Variants in PTPRN2 observed in about 807,000 individuals in gnomAD.
The protein encoded by PTPRN2 is receptor-type tyrosine-protein phosphatase N2.
PTPRN2 carries 74 observed loss-of-function variants against 118.8 expected under a neutral mutation model. The ratio of observed to expected loss-of-function variants is 0.62; its 90% confidence interval spans 0.52 to 0.76. The LOEUF (loss-of-function observed/expected upper bound fraction) is 0.76, where lower values mean the gene tolerates loss of function less well. PTPRN2 is among the 30% of genes least tolerant of loss of function. The probability of loss-of-function intolerance (pLI) is 0.00; values close to 1 mark genes in which losing one functional copy is unlikely to be tolerated. For missense variants in PTPRN2, 1,481 were observed against 1,394.4 expected, an observed-to-expected ratio of 1.06 and a Z score of -0.99; for synonymous variants, 641 against 608.0, an observed-to-expected ratio of 1.05 and a Z score of -0.80.
At chr7:157,734,648 T>C (rs979958398) in intron 12 of PTPRN2, among the ~76,000 whole-genome samples, 4 of 152,254 alleles carry the variant, frequency 2.6e-5, no homozygotes, top group Admixed American at 6.5e-5. Context: ...TCTCTATTCT[T>C]AACTCTGCTC....
intron 2 of PTPRN2, among the ~76,000 whole-genome samples, chr7:158,362,240 GC>G (rs1197359271): frequency 6.6e-6 from 1 of 152,196 alleles, no homozygotes; most frequent in African/African-American, 2.4e-5. Context: ...GGCCGCCCCT[GC>G]CCGCCCGGCC....
chr7:158,501,289 G>T (rs1347782142), intron 1 of PTPRN2, among the ~76,000 whole-genome samples: 1 of 152,186 alleles, frequency 6.6e-6, no homozygotes, highest in Non-Finnish European at 1.5e-5. Flanking sequence ...CCCGCCCGGG[G>T]CTACAGCCAA....
intron 11 of PTPRN2, among the ~76,000 whole-genome samples, chr7:158,071,108 G>A (rs111162916): frequency 7.9e-5 from 7 of 88,416 alleles, no homozygotes; most frequent in Non-Finnish European, 1.1e-4. Flanking sequence ...GGTGCTCGTG[G>A]TGGTGGAGGT....
chr7:158,456,771 T>C (rs1818541248), intron 2 of PTPRN2, among the ~76,000 whole-genome samples: 1 of 152,198 alleles, frequency 6.6e-6, no homozygotes, highest in Admixed American at 6.5e-5. Context: ...TGAGGACTTA[T>C]CTCATTTTAT....
intron 17 of PTPRN2, among the ~76,000 whole-genome samples, chr7:157,578,962 T>C (rs955414749): frequency 6.6e-6 from 1 of 152,266 alleles, no homozygotes; most frequent in African/African-American, 2.4e-5. Context: ...TTACATTAAC[T>C]TGGCAGAAAT....
intron 12 of PTPRN2, among the ~76,000 whole-genome samples, chr7:157,790,140 GGGTGTGTGTGGTGTGAATGT>G (rs1804377702): frequency 1.4e-5 from 2 of 142,620 alleles, no homozygotes; most frequent in African/African-American, 2.6e-5. Flanking sequence ...TGTGTGGTGG[GGGTGTGTGTGGTGTGAATGT>G]GGTGTGTGTG....
chr7:158,291,341 T>C (rs528814918), intron 3 of PTPRN2, among the ~76,000 whole-genome samples: 43 of 152,358 alleles, frequency 2.8e-4, no homozygotes, highest in South Asian at 2.1e-3. Flanking sequence ...TACAAAGTCA[T>C]ATGATACAGA....
chr7:158,134,268 A>C (rs1007860180), intron 8 of PTPRN2, among the ~76,000 whole-genome samples: 3 of 152,058 alleles, frequency 2.0e-5, no homozygotes, highest in Non-Finnish European at 2.9e-5. Context: ...TATCCGAATC[A>C]CTTACGTGCT....
intron 3 of PTPRN2, among the ~76,000 whole-genome samples, chr7:158,270,422 G>A (rs554726550): frequency 6.6e-6 from 1 of 152,248 alleles, no homozygotes; most frequent in South Asian, 2.1e-4. Context: ...TGGTCAACAA[G>A]GTGCAAGCTG....
chr7:158,441,098 G>GCA (rs1563295861), intron 2 of PTPRN2, among the ~76,000 whole-genome samples: 10 of 147,760 alleles, frequency 6.8e-5, no homozygotes, highest in African/African-American at 2.3e-4. Flanking sequence ...TAGTGATAGG[G>GCA]GTGGTAGTGA....
intron 11 of PTPRN2, among the ~76,000 whole-genome samples, chr7:157,993,711 C>T (rs1178839559): frequency 3.9e-5 from 6 of 152,190 alleles, no homozygotes; most frequent in South Asian, 2.1e-4. Flanking sequence ...CAACCCAGCA[C>T]GGGTCCAGGA....
intron 12 of PTPRN2, among the ~76,000 whole-genome samples, chr7:157,691,506 G>C (rs1407518045): frequency 6.6e-6 from 1 of 152,186 alleles, no homozygotes; most frequent in Admixed American, 6.5e-5. Context: ...CACTTTACCA[G>C]GGTCCTCCCG....
At chr7:158,025,336 C>T (rs1807185579) in intron 11 of PTPRN2, among the ~76,000 whole-genome samples, 1 of 152,050 alleles carries the variant, frequency 6.6e-6, no homozygotes, top group Non-Finnish European at 1.5e-5. Context: ...AGACAAAGGC[C>T]CCCATGGTAT....
In PTPRN2 at chr7:157,974,841, C is replaced by T. The variant is rs138114217; in HGVS notation, c.1724-76104G>A. ...CAGTGTCTGTGGGTGAAGAGCTGTG[C>T]GGGCGGGCACTGAGAAGAGGTGCCC... On this transcript the variant is annotated intron_variant, in intron 11 of 22. Transcript: ENST00000389418. This position sits in a 1 kb window ranked among gnomAD's most constrained non-coding sequence, Gnocchi z 4.0. Among the ~76,000 whole-genome samples, 455 of 152,062 alleles carry T rather than the reference C, an allele frequency of 3.0e-3. 2 individuals carry two copies. The highest frequency in any genetic ancestry group is 9.5e-3 in the African/African-American group (396 of 41,466).
chr7:158,309,896 T>A (rs546886067), intron 3 of PTPRN2, among the ~76,000 whole-genome samples: 2 of 152,194 alleles, frequency 1.3e-5, no homozygotes, highest in South Asian at 4.2e-4. Flanking sequence ...GGTAATTAGG[T>A]CATGAAGACG....
chr7:158,201,688 A>T (rs1826659338), intron 4 of PTPRN2, among the ~76,000 whole-genome samples: 1 of 152,170 alleles, frequency 6.6e-6, no homozygotes, highest in African/African-American at 2.4e-5. Flanking sequence ...GCACAATAAA[A>T]CTTGGTCTCC....
chr7:158,580,777 A>T (rs986009586), intron 1 of PTPRN2, among the ~76,000 whole-genome samples: 2 of 152,230 alleles, frequency 1.3e-5, no homozygotes, highest in African/African-American at 4.8e-5. Flanking sequence ...AACCTGACGG[A>T]AGCCCAGAAA....
At chr7:158,007,084 G>A (rs1433312883) in intron 11 of PTPRN2, among the ~76,000 whole-genome samples, 4 of 152,298 alleles carry the variant, frequency 2.6e-5, no homozygotes, top group East Asian at 1.9e-4. Flanking sequence ...GTGTCCTCAC[G>A]TGGCTTCTTC....
At chr7:158,408,111 T>C (rs554875898) in intron 2 of PTPRN2, among the ~76,000 whole-genome samples, 3 of 152,314 alleles carry the variant, frequency 2.0e-5, no homozygotes, top group African/African-American at 7.2e-5. Context: ...TAGGATGTGA[T>C]TTGTTAAGTT....
Sources: gnomAD v4.1 joint callset for allele counts (sites outside exome capture counted in the v4.1 genomes callset) on GRCh38, gnomAD v4.1.1 for gene constraint, Gnocchi (gnomAD v3.1) non-coding constraint, MANE v1.5 for transcripts, NCBI Gene and HGNC (gene_info 2026-07-23, HGNC 2026-07-21) for gene names.